Variants in LIMCH1 observed in about 807,000 individuals in gnomAD.
The protein encoded by LIMCH1 is LIM and calponin homology domains 1.
LIMCH1 carries 113 observed loss-of-function variants against 176.5 expected under a neutral mutation model. That is an observed-to-expected ratio of 0.64 (90% CI 0.55 to 0.75). The LOEUF is 0.75. LIMCH1 is among the 30% of genes least tolerant of loss of function. The pLI, the probability that LIMCH1 is intolerant of heterozygous loss-of-function variation, is 0.00. For synonymous variants in LIMCH1, 619 were observed against 645.9 expected, an observed-to-expected ratio of 0.96 and a Z score of 0.63; for missense variants, 1,674 against 1,814.9, an observed-to-expected ratio of 0.92 and a Z score of 1.41.
chr4:41,574,059 T>G (rs918321351), intron 1 of LIMCH1, among the ~76,000 whole-genome samples: 1 of 152,096 alleles, frequency 6.6e-6, no homozygotes, highest in Non-Finnish European at 1.5e-5. Flanking sequence ...TAATGCAAAC[T>G]CAGGCGGCAG....
chr4:41,375,307 A>G (rs1488000155), intron 1 of LIMCH1, among the ~76,000 whole-genome samples: 1 of 152,178 alleles, frequency 6.6e-6, no homozygotes, highest in Non-Finnish European at 1.5e-5. Context: ...GAACAGTGCT[A>G]TTTTTAGAGG....
At chr4:41,670,773 C>T (rs1560314115) in intron 21 of LIMCH1, 2 of 1,535,942 alleles carry the variant, frequency 1.3e-6, no homozygotes, top group Non-Finnish European at 1.7e-6. Flanking sequence ...GGCGACGATC[C>T]CAGTTTTTCT....
rs1456495353 is a variant in LIMCH1 at position 41,697,751 on chromosome 4, C to T, written c.*566C>T. On this transcript the variant is annotated 3_prime_UTR_variant, in exon 32 of 32. Transcript: ENST00000503057. ...GATAATATATACTGTAATCCTGAAACATTTGTGTTACTTACCTTTGGAGGT... is the reference window on the plus strand; with the variant it reads ...GATAATATATACTGTAATCCTGAAATATTTGTGTTACTTACCTTTGGAGGT... 1.3e-5 allele frequency: 2 copies of T among 152,256 alleles called. No homozygotes were observed. The highest frequency in any genetic ancestry group is 2.4e-5 in the African/African-American group (1 of 41,422). 9.4% of individuals were successfully genotyped at this position (152,256 alleles called of 1,614,324 possible). A position where few individuals can be genotyped will look rare whatever the true frequency, so the allele number is the denominator to read the frequency against.
At chr4:41,575,566 A>G (rs1038619330) in intron 1 of LIMCH1, among the ~76,000 whole-genome samples, 2 of 152,248 alleles carry the variant, frequency 1.3e-5, no homozygotes, top group Non-Finnish European at 2.9e-5. Flanking sequence ...ACAAATTTAT[A>G]TGATTGTATA....
At chr4:41,649,539 A>T (rs75732739) in intron 17 of LIMCH1, among the ~76,000 whole-genome samples, 2,129 of 152,326 alleles carry the variant, frequency 0.014, 58 homozygotes, top group African/African-American at 0.048. Context: ...TATGAGGAAG[A>T]TACTGTTACT....
chr4:41,531,789 T>C (rs1430463665), intron 3 of LIMCH1, among the ~76,000 whole-genome samples: 3 of 152,092 alleles, frequency 2.0e-5, no homozygotes, highest in African/African-American at 7.2e-5. Context: ...ATAAAAACCC[T>C]CATGTGTTTT....
At chr4:41,473,943 T>C (rs1031088468) in intron 1 of LIMCH1, among the ~76,000 whole-genome samples, 2 of 152,118 alleles carry the variant, frequency 1.3e-5, no homozygotes, top group Non-Finnish European at 2.9e-5. Context: ...TTTGGGAGGC[T>C]GAGGCAGGGG....
At chr4:41,600,515 A>C (rs2152751203) in intron 2 of LIMCH1, among the ~76,000 whole-genome samples, 1 of 151,998 alleles carries the variant, frequency 6.6e-6, no homozygotes, top group East Asian at 1.9e-4. Flanking sequence ...GAGCCACTTT[A>C]AATCAGTATG....
intron 25 of LIMCH1, among the ~76,000 whole-genome samples, chr4:41,681,314 A>G (rs560937572): frequency 6.6e-6 from 1 of 152,250 alleles, no homozygotes; most frequent in East Asian, 1.9e-4. Flanking sequence ...CTGGAAGCCA[A>G]AGTCTCTCCA....
chr4:41,625,334 C>A (rs1364443089), intron 7 of LIMCH1, among the ~76,000 whole-genome samples: 1 of 151,880 alleles, frequency 6.6e-6, no homozygotes, highest in Non-Finnish European at 1.5e-5. Flanking sequence ...TCCTTAAGGT[C>A]CTTCAAAGAA....
intron 2 of LIMCH1, among the ~76,000 whole-genome samples, chr4:41,603,047 A>G (rs2090199435): frequency 6.6e-6 from 1 of 152,154 alleles, no homozygotes; most frequent in Non-Finnish European, 1.5e-5. Flanking sequence ...TATGTACTTT[A>G]GGTCAGTGTA....
chr4:41,534,011 G>A (rs2077596294), upstream of LIMCH1, among the ~76,000 whole-genome samples: 1 of 152,182 alleles, frequency 6.6e-6, no homozygotes, highest in African/African-American at 2.4e-5. Context: ...AATGCCATCT[G>A]GGGGTGTTTG....
At chr4:41,405,153 A>G (rs1462015615) in intron 1 of LIMCH1, among the ~76,000 whole-genome samples, 1 of 152,176 alleles carries the variant, frequency 6.6e-6, no homozygotes, top group Non-Finnish European at 1.5e-5. Flanking sequence ...TTATTAGTAA[A>G]TATTTGATAA....
At chr4:41,506,546 A>T (rs1264729344) in intron 2 of LIMCH1, among the ~76,000 whole-genome samples, 2 of 152,254 alleles carry the variant, frequency 1.3e-5, no homozygotes, top group East Asian at 3.8e-4. Flanking sequence ...CCACACACAC[A>T]GAGCAGTTAA....
intron 2 of LIMCH1, among the ~76,000 whole-genome samples, chr4:41,515,117 G>A (rs558097883): frequency 6.7e-4 from 102 of 152,274 alleles, no homozygotes; most frequent in African/African-American, 2.1e-3. Context: ...GCTTGTCCTC[G>A]TCATCCTCAG....
chr4:41,636,812 C>G (rs1182732619), intron 13 of LIMCH1, among the ~76,000 whole-genome samples: 2 of 152,124 alleles, frequency 1.3e-5, no homozygotes, highest in Admixed American at 6.5e-5. Flanking sequence ...ACAAAATGTG[C>G]TAAAGAAGAC....
At chr4:41,657,493 C>G (rs1042807297) in intron 18 of LIMCH1, among the ~76,000 whole-genome samples, 1 of 152,292 alleles carries the variant, frequency 6.6e-6, no homozygotes, top group African/African-American at 2.4e-5. Context: ...TTGCAGAATA[C>G]AGAAAACTGG....
chr4:41,620,446 G>T lies in LIMCH1; in HGVS notation c.481G>T (p.Glu161Ter). 1.3e-6 allele frequency: 2 copies of T among 1,536,076 alleles called. No homozygotes were observed. Among genetic ancestry groups the T allele is most frequent in the Non-Finnish European group, 1.7e-6 (2 of 1,146,902 alleles). Residue 161 changes from glutamate to a stop codon, truncating the protein, a stop_gained, in exon 7 of 32, where the codon GAG becomes TAG. Coordinates refer to ENST00000503057, the MANE Select transcript of LIMCH1 (RefSeq NM_001330672.2). LOFTEE classifies it high-confidence loss of function. Reference sequence around the variant, plus strand: ...TAGCTTTCCTGAAACGATAGAGGAAGAGGGGAGTGAAGTGGGGTCTGCTGG... The same window carrying T: ...TAGCTTTCCTGAAACGATAGAGGAATAGGGGAGTGAAGTGGGGTCTGCTGG... The part of the protein sequence containing the change: ...PFSFPETIEE[E>*]GSEVGSAGED...
intron 1 of LIMCH1, among the ~76,000 whole-genome samples, chr4:41,470,679 A>G (rs2066820979): frequency 6.6e-6 from 1 of 152,124 alleles, no homozygotes. Context: ...CAACCCCTTA[A>G]CAATTTGGAC....
Sources: allele counts gnomAD v4.1 joint callset (sites outside exome capture counted in the v4.1 genomes callset), GRCh38; gene constraint gnomAD v4.1.1; transcripts MANE v1.5; gene names NCBI Gene and HGNC (gene_info 2026-07-23, HGNC 2026-07-21).